The following PER3 variants were observed in gnomAD, a reference collection of about 807,000 sequenced individuals.
PER3 encodes period circadian regulator 3.
In PER3, 107 loss-of-function variants were observed where a neutral mutation model predicts 127.2. The observed-to-expected ratio is 0.84, with a 90% CI of 0.72 to 0.99. The LOEUF is 0.99. Ranked by LOEUF, PER3 falls within the 50% of genes least tolerant of loss-of-function variation. The pLI is 0.00. For synonymous variants in PER3, 618 were observed against 585.8 expected, an observed-to-expected ratio of 1.05 and a Z score of -0.79; for missense variants, 1,560 against 1,525.8, an observed-to-expected ratio of 1.02 and a Z score of -0.37.
chr1:7,836,119 T>A (rs1317716033), intron 20 of PER3, among the ~76,000 whole-genome samples, 174 bp downstream of exon 20: 1 of 152,100 alleles, frequency 6.6e-6, no homozygotes, highest in African/African-American at 2.4e-5. Flanking sequence ...TGCCTCAGCC[T>A]CCCGAGTAGC....
At chr1:7,821,555 G>A (rs1329552133) in intron 16 of PER3, among the ~76,000 whole-genome samples, 1 of 152,286 alleles carries the variant, frequency 6.6e-6, no homozygotes, top group Non-Finnish European at 1.5e-5. Context: ...ATTCCTGTGT[G>A]GGCATGTAGC....
At position 7,826,961 on chromosome 1, in the gene PER3, C is replaced by T; in HGVS notation, c.2189-157C>T. The T allele has an allele frequency of 1.5e-6, 1 of 650,522 alleles. No homozygotes were observed. Among genetic ancestry groups the T allele is most frequent in the South Asian group, 2.1e-5 (1 of 48,240 alleles). 40.3% of individuals were successfully genotyped at this position (650,522 alleles called of 1,614,324 possible). ...TTTATTTGATAGCAACTATTTTTAT[C>T]CGGAATTTTGTTCATCTTTTTAGAG... On this transcript the variant is annotated intron_variant, in intron 17 of 21. Coordinates refer to ENST00000377532, the MANE Select transcript of PER3 (RefSeq NM_001377275.1). This position sits in a 1 kb window ranked among gnomAD's most constrained non-coding sequence, Gnocchi z 4.2.
chr1:7,835,091 G>A (rs576810105), intron 19 of PER3, among the ~76,000 whole-genome samples: 1 of 152,266 alleles, frequency 6.6e-6, no homozygotes, highest in East Asian at 1.9e-4. Flanking sequence ...TAAAAAATAG[G>A]TGAGATTGAG....
At chr1:7,802,946 T>A (rs923487509) in intron 8 of PER3, 101 bp from the exon 9 acceptor site, 19 of 767,596 alleles carry the variant, frequency 2.5e-5, no homozygotes, top group Non-Finnish European at 4.0e-5. Context: ...CAGCTTTGCA[T>A]AAAATTGTCT....
In PER3 at chr1:7,827,587, G is replaced by A. The variant is rs1478352292; in HGVS notation, c.2658G>A (p.Ala886=). The change falls in exon 18 of 22, where the codon GCG becomes GCA. Residue 886 remains alanine (A), a synonymous_variant. Coordinates refer to ENST00000377532, the MANE Select transcript of PER3 (RefSeq NM_001377275.1). ...CPFLGATASS[A]ISPSMSSAMS... is the part of the protein sequence containing the mutation. The stretch of plus-strand genomic sequence containing the variant: ...TCCTGGGGGCGACAGCCTCTTCTGC[G>A]ATATCACCCTCAATGTCGTCAGCAA... 4 of 1,613,966 alleles carry A rather than the reference G, an allele frequency of 2.5e-6. No individual in the cohort carries two copies. Among genetic ancestry groups the A allele is most frequent in the Non-Finnish European group, 2.5e-6 (3 of 1,180,024 alleles).
intron 13 of PER3, chr1:7,811,615 A>G (rs1179491840): frequency 6.6e-6 from 1 of 152,274 alleles, no homozygotes; most frequent in Non-Finnish European, 1.5e-5. Flanking sequence ...CTCACATGGC[A>G]CAAGGGACAG....
chr1:7,788,321 A>G (rs1390781045), intron 5 of PER3, 75 bp downstream of exon 5: 1 of 1,026,722 alleles, frequency 9.7e-7, no homozygotes, highest in Admixed American at 1.9e-5. Flanking sequence ...TAGTACAGAA[A>G]TTAACATATT....
At chr1:7,808,093 C>T (rs1313575890) in intron 10 of PER3, among the ~76,000 whole-genome samples, 1 of 151,908 alleles carries the variant, frequency 6.6e-6, no homozygotes, top group East Asian at 1.9e-4. Context: ...ATTAGCCAGG[C>T]GTGGTGGCGT....
intron 16 of PER3, among the ~76,000 whole-genome samples, chr1:7,821,146 T>G (rs934514893): frequency 2.0e-5 from 3 of 152,372 alleles, no homozygotes; most frequent in Admixed American, 6.5e-5. Flanking sequence ...TTCTACTGTC[T>G]TCTTATTCCT....
rs145485353 is a variant in PER3, at chr1:7,810,141, A to G, written c.1371+120A>G. On this transcript the variant is annotated intron_variant, in intron 12 of 21. Transcript: ENST00000377532. ...TTGAAGACCTCAACTGATAACAGAT[A>G]TTTTCATCCATTTTGGTTTGGAAAA... 8 of 1,009,196 alleles carry G rather than the reference A, an allele frequency of 7.9e-6. No individual in the cohort carries two copies. The East Asian group carries it at 1.5e-4, about 19-fold the overall frequency. The allele number at this position is 1,009,196 out of a possible 1,614,324, so 62.5% of individuals were successfully genotyped here.
At position 7,839,996 on chromosome 1, in the gene PER3, C is replaced by T. The variant is rs182323173; in HGVS notation, c.3550-2676C>T. 2.0e-5 allele frequency among the ~76,000 whole-genome samples: 3 copies of T among 152,224 alleles called. No homozygotes were observed. The East Asian group carries it at 5.8e-4, about 29-fold the overall frequency. On this transcript the variant is annotated intron_variant, in intron 21 of 21. Coordinates refer to ENST00000377532, the MANE Select transcript of PER3 (RefSeq NM_001377275.1). ...TCTTTCTCTTTTTCTTCCTCTGGGGCCCCTGTAGTGCTTATGTTGGTCCAC... is the reference window on the plus strand; with the variant it reads ...TCTTTCTCTTTTTCTTCCTCTGGGGTCCCTGTAGTGCTTATGTTGGTCCAC...
chr1:7,806,808 A>ATATATAT (rs58879633), intron 10 of PER3, among the ~76,000 whole-genome samples: 1,050 of 60,358 alleles, frequency 0.017, 9 homozygotes, highest in East Asian at 0.044. Context: ...AAAAAAAAAA[A>ATATATAT]AAAAATATAT....
At chr1:7,792,608 A>G (rs1163495972) in intron 5 of PER3, among the ~76,000 whole-genome samples, 3 of 152,178 alleles carry the variant, frequency 2.0e-5, no homozygotes, top group Admixed American at 6.5e-5. Flanking sequence ...CACCCCCTTT[A>G]TAGGCTATGC....
chr1:7,803,585 C>G, intron 9 of PER3, 107 bp from the exon 10 acceptor site: 1 of 731,180 alleles, frequency 1.4e-6, no homozygotes, highest in South Asian at 2.0e-5. Flanking sequence ...GAGACTCAAT[C>G]TCAAAAAAAA....
chr1:7,785,337 G>A (rs2097081911), intron 2 of PER3, 104 bp from the exon 3 acceptor site: 3 of 867,260 alleles, frequency 3.5e-6, no homozygotes, highest in Admixed American at 2.1e-5. Context: ...GACTGATGCC[G>A]GTAGAGCACT....
Position 7,803,014 on chromosome 1 carries a change from G to A in PER3, c.873-33G>A, listed in dbSNP as rs752391952. On this transcript the variant is annotated intron_variant, in intron 8 of 21. Transcript: ENST00000377532. ...AAAGTGTATAAGAATTACCTGATGA[G>A]TATGCCACCTGTGTTGTGTATCTGT... 3 of 1,092,248 alleles carry A rather than the reference G, an allele frequency of 2.7e-6. No individual in the cohort carries two copies. The African/African-American group carries it at 4.6e-5, about 17-fold the overall frequency. 67.7% of individuals were successfully genotyped at this position (1,092,248 alleles called of 1,614,324 possible). A position where few individuals can be genotyped will look rare whatever the true frequency, so the allele number is the denominator to read the frequency against.
rs2097401620 is a variant in PER3, at chr1:7,843,891, C to G, written c.*1136C>G. 1 of 1,259,694 alleles carries G rather than the reference C, an allele frequency of 7.9e-7. No homozygotes were observed. Among genetic ancestry groups the G allele is most frequent in the Non-Finnish European group, 1.0e-6 (1 of 971,270 alleles). The allele number at this position is 1,259,694 out of a possible 1,614,324, so 78.0% of individuals were successfully genotyped here. Reference sequence around the variant, plus strand: ...TGATAAATCAGCTCACTCTCTGGTGCTTTTTAGAGAAGTCCCTGATTCCTT... The same window carrying G: ...TGATAAATCAGCTCACTCTCTGGTGGTTTTTAGAGAAGTCCCTGATTCCTT... On this transcript the variant is annotated 3_prime_UTR_variant, in exon 22 of 22. Transcript: ENST00000377532.
chr1:7,829,051 T>A (rs577131889), intron 18 of PER3, among the ~76,000 whole-genome samples: 1 of 152,326 alleles, frequency 6.6e-6, no homozygotes, highest in South Asian at 2.1e-4. Context: ...TGGAACGTTT[T>A]TACTTCTTAG....
rs572959062 is a variant in PER3 at position 7,786,241 on chromosome 1, C to T, written c.275-480C>T. ...CTGCACTCCCGCCTGGGTGACAGAGCGAGACTCTGTCTCTAAAAAATAATA... is the reference window on the plus strand; with the variant it reads ...CTGCACTCCCGCCTGGGTGACAGAGTGAGACTCTGTCTCTAAAAAATAATA... On this transcript the variant is annotated intron_variant, in intron 3 of 21. Transcript: ENST00000377532. Among the ~76,000 whole-genome samples, 330 of 152,166 alleles carry T rather than the reference C, an allele frequency of 2.2e-3. 1 individual carries two copies. Among genetic ancestry groups the T allele is most frequent in the Non-Finnish European group, 1.6e-3 (111 of 68,010 alleles).
Sources: allele counts gnomAD v4.1 joint callset (sites outside exome capture counted in the v4.1 genomes callset), GRCh38; gene constraint gnomAD v4.1.1; non-coding constraint Gnocchi (gnomAD v3.1); transcripts MANE v1.5; gene names NCBI Gene and HGNC (gene_info 2026-07-23, HGNC 2026-07-21).